LYRM4: variants seen among roughly 807,000 people sequenced by gnomAD.
The protein encoded by LYRM4 is LYR motif containing 4.
Under a neutral mutation model 11.7 loss-of-function variants are expected in LYRM4, and 9 were observed. The ratio of observed to expected loss-of-function variants is 0.77; its 90% confidence interval spans 0.46 to 1.34. LYRM4 has a LOEUF of 1.34. LYRM4 is among the 40% of genes most tolerant of loss of function. The probability of loss-of-function intolerance (pLI) is 0.00; values close to 1 mark genes in which losing one functional copy is unlikely to be tolerated. For missense variants in LYRM4, 133 were observed against 112.5 expected (o/e 1.18, Z -0.82); for synonymous variants, 42 against 40.4 (o/e 1.04, Z -0.15).
chr6:5,038,230 T>C, the LYRM4 span, among the ~76,000 whole-genome samples: 4 of 57,378 alleles, frequency 7.0e-5, no homozygotes, highest in African/African-American at 1.4e-4. Context: ...GAGACGCTCC[T>C]CACTTCCTAG....
At chr6:5,042,169 T>C in the LYRM4 span, among the ~76,000 whole-genome samples, 1 of 152,226 alleles carries the variant, frequency 6.6e-6, no homozygotes, top group African/African-American at 2.4e-5. Context: ...TTCTGCTGTT[T>C]AAACAGGAAC....
chr6:5,131,744 G>C (rs552923866), intron 2 of LYRM4, among the ~76,000 whole-genome samples: 22 of 152,264 alleles, frequency 1.4e-4, no homozygotes, highest in African/African-American at 5.3e-4. Flanking sequence ...TTTTTTATTA[G>C]ATTTTCAAAT....
intron 2 of LYRM4, among the ~76,000 whole-genome samples, chr6:5,195,953 C>A (rs1048363188): frequency 6.6e-6 from 1 of 152,198 alleles, no homozygotes; most frequent in African/African-American, 2.4e-5. Context: ...GGCTTTATAA[C>A]AAAGCAACAG....
At position 5,181,659 on chromosome 6, in the gene LYRM4, G is replaced by A. The variant is rs190063734; in HGVS notation, c.207+34959C>T. 3.1e-3 allele frequency among the ~76,000 whole-genome samples: 471 copies of A among 152,132 alleles called. 3 individuals carry two copies. Among genetic ancestry groups the A allele is most frequent in the Non-Finnish European group, 4.6e-3 (315 of 67,988 alleles). On this transcript the variant is annotated intron_variant, in intron 2 of 2. Transcript: ENST00000330636. Reference sequence around the variant, plus strand: ...GTGAGCAGATTCCATTCTTTCCCACGGGCCATGCTCAACTGGCCTCCCTGC... The same window carrying A: ...GTGAGCAGATTCCATTCTTTCCCACAGGCCATGCTCAACTGGCCTCCCTGC...
chr6:5,177,317 TAACAG>T (rs1230823235), intron 2 of LYRM4, among the ~76,000 whole-genome samples: 1 of 152,244 alleles, frequency 6.6e-6, no homozygotes, highest in East Asian at 1.9e-4. Context: ...AGTAATGCAG[TAACAG>T]TTAGGGATAA....
At chr6:5,070,869 G>GA in the LYRM4 span, among the ~76,000 whole-genome samples, 9,363 of 47,422 alleles carry the variant, frequency 0.2, 757 homozygotes, top group African/African-American at 0.26. Flanking sequence ...ACCCTGTCTT[G>GA]AAAAAAAAAA....
At chr6:5,140,123 G>A (rs1280244796) in intron 2 of LYRM4, among the ~76,000 whole-genome samples, 1 of 151,074 alleles carries the variant, frequency 6.6e-6, no homozygotes, top group Non-Finnish European at 1.5e-5. Flanking sequence ...AGCTACTTGG[G>A]AGGCTTAGGT....
At chr6:5,043,857 A>G in the LYRM4 span, among the ~76,000 whole-genome samples, 5 of 152,122 alleles carry the variant, frequency 3.3e-5, no homozygotes, top group African/African-American at 9.7e-5. Context: ...GACAGCCCCT[A>G]TACCCCAGAG....
chr6:5,195,735 G>A (rs1761015102), intron 2 of LYRM4, among the ~76,000 whole-genome samples: 1 of 152,082 alleles, frequency 6.6e-6, no homozygotes, highest in African/African-American at 2.4e-5. Flanking sequence ...AAAAGGGTGG[G>A]GTCACGGTCT....
intron 2 of LYRM4, among the ~76,000 whole-genome samples, chr6:5,184,994 T>C (rs116463031): frequency 0.018 from 2,690 of 152,308 alleles, 74 homozygotes; most frequent in African/African-American, 0.061. Context: ...TAGTCACTTA[T>C]GCACTGAAGT....
chr6:5,224,954 GTC>G (rs1228181607), intron 1 of LYRM4, among the ~76,000 whole-genome samples: 1 of 145,788 alleles, frequency 6.9e-6, no homozygotes, highest in Non-Finnish European at 1.5e-5. Context: ...GAGTGAAACT[GTC>G]TGAAAAAATA....
At chr6:5,150,035 T>G (rs984940903) in intron 2 of LYRM4, among the ~76,000 whole-genome samples, 2 of 152,224 alleles carry the variant, frequency 1.3e-5, no homozygotes, top group African/African-American at 4.8e-5. Flanking sequence ...GCAGCATGCC[T>G]CTGGCATCCC....
intron 2 of LYRM4, among the ~76,000 whole-genome samples, chr6:5,119,293 G>A (rs1763294043): frequency 6.6e-6 from 1 of 152,126 alleles, no homozygotes; most frequent in African/African-American, 2.4e-5. Flanking sequence ...GGACAAGAGA[G>A]AAACAAGGTG....
the LYRM4 span, among the ~76,000 whole-genome samples, chr6:5,080,206 A>T: frequency 1.3e-5 from 2 of 152,230 alleles, no homozygotes; most frequent in Non-Finnish European, 2.9e-5. Flanking sequence ...GGTGGAGTAC[A>T]TGGTGATGGA....
chr6:5,200,591 C>G (rs1013278781), intron 2 of LYRM4, among the ~76,000 whole-genome samples: 1 of 152,172 alleles, frequency 6.6e-6, no homozygotes, highest in African/African-American at 2.4e-5. Context: ...ATCCAGAGAT[C>G]AGGGAAAGTC....
intron 1 of LYRM4, among the ~76,000 whole-genome samples, chr6:5,223,048 G>A (rs1394416978): frequency 2.6e-5 from 4 of 152,166 alleles, no homozygotes; most frequent in African/African-American, 7.2e-5. Flanking sequence ...AAGACTCATC[G>A]TTGAAATTTA....
At chr6:5,085,573 C>A in the LYRM4 span, 2 of 1,543,958 alleles carry the variant, frequency 1.3e-6, no homozygotes, top group South Asian at 1.2e-5. Flanking sequence ...GCTGCCCGCC[C>A]CGGTGGTCCC....
chr6:5,259,349 C>T (rs924999445), intron 1 of LYRM4, among the ~76,000 whole-genome samples: 2 of 137,632 alleles, frequency 1.5e-5, no homozygotes, highest in Non-Finnish European at 3.0e-5. Flanking sequence ...GCTAAAATTC[C>T]ACCAGTATGC....
Position 5,228,359 on chromosome 6 carries a change from C to A in LYRM4, c.87-11621G>T, listed in dbSNP as rs556579131. Among the ~76,000 whole-genome samples the A allele has an allele frequency of 3.7e-4, 57 of 152,218 alleles. 1 individual carries two copies. The highest frequency in any genetic ancestry group is 3.4e-3 in the Middle Eastern group (1 of 294). The stretch of plus-strand genomic sequence containing the variant: ...TAATGCGGTCTCGGCTCACTGCAAC[C>A]TTCACCTCCCTGGTTCAAGTGATTC... On this transcript the variant is annotated intron_variant, in intron 1 of 2. Transcript: ENST00000330636.
Sources: allele counts gnomAD v4.1 joint callset (sites outside exome capture counted in the v4.1 genomes callset), GRCh38; gene constraint gnomAD v4.1.1; transcripts MANE v1.5; gene names NCBI Gene and HGNC (gene_info 2026-07-23, HGNC 2026-07-21).